Variants in USP54 observed in about 807,000 individuals in gnomAD.
USP54 encodes the protein ubiquitin specific peptidase 54, also known as ubiquitin carboxyl-terminal hydrolase 54.
USP54 carries 87 observed loss-of-function variants against 170.5 expected under a neutral mutation model. That is an observed-to-expected ratio of 0.51 (90% CI 0.43 to 0.61). The LOEUF (loss-of-function observed/expected upper bound fraction) is 0.61, where lower values mean the gene tolerates loss of function less well. Ranked by LOEUF, USP54 falls within the 20% of genes least tolerant of loss-of-function variation. The probability of loss-of-function intolerance (pLI) is 0.00; values close to 1 mark genes in which losing one functional copy is unlikely to be tolerated. For synonymous variants in USP54, 655 were observed against 742.8 expected (o/e 0.88, Z 1.92); for missense variants, 1,786 against 2,047.8 (o/e 0.87, Z 2.47).
At chr10:73,575,329 G>A (rs966957132) in intron 3 of USP54, among the ~76,000 whole-genome samples, 183 bp downstream of exon 3, 15 of 151,966 alleles carry the variant, frequency 9.9e-5, no homozygotes, top group African/African-American at 3.6e-4. Flanking sequence ...TTACAAATGA[G>A]GTAATTGAGA....
intron 1 of USP54, among the ~76,000 whole-genome samples, chr10:73,618,441 TTTGG>T (rs1357308915): frequency 6.7e-6 from 1 of 150,142 alleles, no homozygotes; most frequent in African/African-American, 2.5e-5. Flanking sequence ...TTTTAAAATT[TTTGG>T]TAAAAAATTA....
At chr10:73,541,604 C>T (rs976778701) in intron 8 of USP54, 29 bp downstream of exon 8, 2 of 1,613,610 alleles carry the variant, frequency 1.2e-6, no homozygotes, top group Non-Finnish European at 1.7e-6. Flanking sequence ...CCCTTTCCCA[C>T]TCCAAACCCC....
chr10:73,624,198 A>ATGTAT (rs1554955712), intron 1 of USP54, among the ~76,000 whole-genome samples: 126 of 102,422 alleles, frequency 1.2e-3, no homozygotes, highest in African/African-American at 4.8e-3. Flanking sequence ...ATATATATGT[A>ATGTAT]TTTTTTTTTT....
intron 1 of USP54, among the ~76,000 whole-genome samples, chr10:73,612,192 T>C (rs145380807): frequency 6.6e-6 from 1 of 152,322 alleles, no homozygotes; most frequent in East Asian, 1.9e-4. Context: ...TATTTACATA[T>C]ACTATTGAGG....
chr10:73,622,892 G>A (rs570296079), intron 1 of USP54, among the ~76,000 whole-genome samples: 15 of 151,312 alleles, frequency 9.9e-5, no homozygotes, highest in East Asian at 7.8e-4. Flanking sequence ...GCAGTGAGCC[G>A]TGATTACTCC....
intron 9 of USP54, 68 bp downstream of exon 9, chr10:73,541,307 C>T: frequency 6.3e-7 from 1 of 1,596,092 alleles, no homozygotes; most frequent in South Asian, 1.1e-5. Flanking sequence ...TTGTCTAGTG[C>T]TCACTGCTCC....
chr10:73,500,928 G>C, intron 22 of USP54, 90 bp from the exon 23 acceptor site: 1 of 1,376,822 alleles, frequency 7.3e-7, no homozygotes, highest in Middle Eastern at 2.5e-4. Flanking sequence ...CAAGCAAAGG[G>C]AAATGGAGGG....
intron 1 of USP54, among the ~76,000 whole-genome samples, chr10:73,617,948 C>T (rs1416822581): frequency 1.3e-5 from 2 of 150,240 alleles, no homozygotes; most frequent in Admixed American, 1.3e-4. Flanking sequence ...CAGTGGTTCA[C>T]ACCTGTAATC....
intron 1 of USP54, among the ~76,000 whole-genome samples, chr10:73,585,550 T>C (rs1388084039): frequency 6.6e-6 from 1 of 152,208 alleles, no homozygotes; most frequent in Non-Finnish European, 1.5e-5. Context: ...CACTCATCAC[T>C]GAGCTATTCA....
chr10:73,518,534 C>T (rs570643798), intron 19 of USP54, among the ~76,000 whole-genome samples: 1 of 152,100 alleles, frequency 6.6e-6, no homozygotes, highest in East Asian at 1.9e-4. Context: ...ATCTAAATTG[C>T]TTATATTCAA....
chr10:73,541,600 C>A (rs1220768274), intron 8 of USP54, 33 bp downstream of exon 8: 2 of 1,613,300 alleles, frequency 1.2e-6, no homozygotes, highest in Admixed American at 3.3e-5. Context: ...GGTTCCCTTT[C>A]CCACTCCAAA....
intron 10 of USP54, among the ~76,000 whole-genome samples, chr10:73,537,124 C>T (rs993564801): frequency 3.9e-5 from 6 of 152,144 alleles, no homozygotes; most frequent in Non-Finnish European, 7.3e-5. Flanking sequence ...TAATGTGCTG[C>T]TCTTGGGGTT....
chr10:73,500,427 G>A (rs1033581479), intron 23 of USP54, among the ~76,000 whole-genome samples: 1 of 152,202 alleles, frequency 6.6e-6, no homozygotes, highest in Non-Finnish European at 1.5e-5. Flanking sequence ...TTCGTAAGTA[G>A]ACAGACTCTA....
chr10:73,603,878 C>G (rs527913041), intron 1 of USP54, among the ~76,000 whole-genome samples: 1 of 152,076 alleles, frequency 6.6e-6, no homozygotes, highest in South Asian at 2.1e-4. Flanking sequence ...AAAAGACACT[C>G]AAGTTCACTA....
intron 19 of USP54, chr10:73,518,362 T>C (rs968385989): frequency 1.3e-5 from 6 of 460,452 alleles, no homozygotes; most frequent in African/African-American, 1.3e-4. Context: ...TATGACTCTC[T>C]TGAGATTTAG....
At chr10:73,500,421 T>A (rs1263559074) in intron 23 of USP54, among the ~76,000 whole-genome samples, 2 of 152,236 alleles carry the variant, frequency 1.3e-5, no homozygotes, top group Admixed American at 6.5e-5. Context: ...GTCATTTTCG[T>A]AAGTAGACAG....
chr10:73,540,704 C>T (rs1358448211), intron 9 of USP54, among the ~76,000 whole-genome samples: 1 of 152,190 alleles, frequency 6.6e-6, no homozygotes, highest in Non-Finnish European at 1.5e-5. Context: ...AAGCAATCCT[C>T]CCACCTCAGC....
chr10:73,499,240 C>T (rs753322299), intron 23 of USP54, 52 bp from the exon 24 acceptor site: 6 of 1,531,060 alleles, frequency 3.9e-6, no homozygotes, highest in East Asian at 2.2e-5. Context: ...AAACCATTCT[C>T]CTTCCCAGAG....
chr10:73,572,350 T>G (rs1002781005), intron 3 of USP54, among the ~76,000 whole-genome samples: 8 of 152,140 alleles, frequency 5.3e-5, no homozygotes, highest in African/African-American at 1.9e-4. Context: ...GGACACCAGG[T>G]AAAAACTAAG....
Sources: allele counts gnomAD v4.1 joint callset (sites outside exome capture counted in the v4.1 genomes callset), GRCh38; gene constraint gnomAD v4.1.1; transcripts MANE v1.5; gene names NCBI Gene and HGNC (gene_info 2026-07-23, HGNC 2026-07-21).